TRAF3: variants seen among roughly 807,000 people sequenced by gnomAD.
TRAF3 encodes TNF receptor associated factor 3.
Under a neutral mutation model 62.3 loss-of-function variants are expected in TRAF3, and 13 were observed. The observed-to-expected ratio is 0.21, with a 90% CI of 0.14 to 0.33. The LOEUF is 0.33. Ranked by LOEUF, TRAF3 falls within the 10% of genes least tolerant of loss-of-function variation. The pLI is 1.00. For missense variants in TRAF3, 440 were observed against 741.8 expected, an observed-to-expected ratio of 0.59 and a Z score of 4.73; for synonymous variants, 269 against 283.4, an observed-to-expected ratio of 0.95 and a Z score of 0.51.
At chr14:102,822,104 A>C (rs577392793) in intron 1 of TRAF3, among the ~76,000 whole-genome samples, 1 of 152,326 alleles carries the variant, frequency 6.6e-6, no homozygotes, top group South Asian at 2.1e-4. Flanking sequence ...TAATAGAAAA[A>C]TTTTATGTGT....
rs767401587 is a variant in TRAF3, at chr14:102,795,619, T to TGTGTGTGTGTGC, written c.-157+17945_-157+17946insTGTGTGTGTGCG. ...ATATATGTGTGTGTGTGTGTGTGTG[T>TGTGTGTGTGTGC]GCATAGTTTTCATCCATTGTTTCTG... On this transcript the variant is annotated intron_variant, in intron 1 of 11. Coordinates refer to ENST00000392745, the MANE Select transcript of TRAF3 (RefSeq NM_145725.3). Among the ~76,000 whole-genome samples, 74 of 151,962 alleles carry TGTGTGTGTGTGC rather than the reference T, an allele frequency of 4.9e-4. No homozygotes were observed. The East Asian group carries it at 6.0e-3, about 12-fold the overall frequency.
intron 1 of TRAF3, chr14:102,809,149 G>C (rs953061503): frequency 6.6e-6 from 1 of 152,210 alleles, no homozygotes; most frequent in Non-Finnish European, 1.5e-5. Context: ...ACTACACGCG[G>C]CTAATTTTTT....
chr14:102,862,621 C>T (rs570067038), intron 2 of TRAF3, among the ~76,000 whole-genome samples: 35 of 151,996 alleles, frequency 2.3e-4, no homozygotes, highest in Non-Finnish European at 3.4e-4. Context: ...TGGAGTTTGT[C>T]GAGCTTCCTG....
Position 102,848,230 on chromosome 14 carries a change from G to A in TRAF3, c.-18+17758G>A, listed in dbSNP as rs147386704. 8.2e-4 allele frequency among the ~76,000 whole-genome samples: 125 copies of A among 152,204 alleles called. 2 individuals carry two copies. The East Asian group carries it at 0.02, about 25-fold the overall frequency. ...GAGGATCTCTTGAGCCCAAGAGTTCGATACCAGCCTGGGCAACACAGTGAA... is the reference window on the plus strand; with the variant it reads ...GAGGATCTCTTGAGCCCAAGAGTTCAATACCAGCCTGGGCAACACAGTGAA... On this transcript the variant is annotated intron_variant, in intron 2 of 11. Transcript: ENST00000392745.
rs1198269249 is a variant in TRAF3 at position 102,807,266 on chromosome 14, C to T, written c.-156-23068C>T. Among the ~76,000 whole-genome samples, 5 of 152,160 alleles carry T rather than the reference C, an allele frequency of 3.3e-5. No homozygotes were observed. The East Asian group carries it at 5.8e-4, about 18-fold the overall frequency. ...GTCTCCCTGCTGCCCCAGCTTCAGC[C>T]CCAGGAGCCTGCCTGCCCAGGAGGC... is the stretch of plus-strand genomic sequence containing the variant. On this transcript the variant is annotated intron_variant, in intron 1 of 11. Transcript: ENST00000392745.
chr14:102,778,288 G>A (rs1217329822), intron 1 of TRAF3, among the ~76,000 whole-genome samples: 1 of 151,832 alleles, frequency 6.6e-6, no homozygotes, highest in East Asian at 1.9e-4. Flanking sequence ...CGCGGGCTCT[G>A]CGTCTTCCCC....
intron 6 of TRAF3, among the ~76,000 whole-genome samples, chr14:102,878,602 T>TAACA (rs1888857864): frequency 6.6e-6 from 1 of 152,184 alleles, no homozygotes; most frequent in Non-Finnish European, 1.5e-5. Flanking sequence ...GAAAAAATAC[T>TAACA]AACAAATGTG....
chr14:102,793,103 ACC>A (rs1897892904), intron 1 of TRAF3, among the ~76,000 whole-genome samples: 9 of 151,272 alleles, frequency 5.9e-5, no homozygotes, highest in Admixed American at 4.6e-4. Flanking sequence ...GAGCCACTGC[ACC>A]CTGCCTGTAG....
At chr14:102,828,252 G>C (rs1900444629) in intron 1 of TRAF3, among the ~76,000 whole-genome samples, 1 of 152,230 alleles carries the variant, frequency 6.6e-6, no homozygotes, top group African/African-American at 2.4e-5. Context: ...TTGCTTCTGA[G>C]GTTGGTAGCT....
At chr14:102,886,380 T>C (rs1889390943) in intron 7 of TRAF3, 111 bp downstream of exon 7, 5 of 938,226 alleles carry the variant, frequency 5.3e-6, no homozygotes, top group African/African-American at 1.6e-5. Flanking sequence ...GTGAGAGTCA[T>C]GTGTATGGCA....
At chr14:102,810,995 A>G (rs1899094117) in intron 1 of TRAF3, among the ~76,000 whole-genome samples, 1 of 152,190 alleles carries the variant, frequency 6.6e-6, no homozygotes, top group Non-Finnish European at 1.5e-5. Context: ...TTAACTTTGT[A>G]TGTATACCCA....
At chr14:102,798,800 T>C (rs1394743748) in intron 1 of TRAF3, among the ~76,000 whole-genome samples, 1 of 152,164 alleles carries the variant, frequency 6.6e-6, no homozygotes, top group Non-Finnish European at 1.5e-5. Context: ...AAGCACTTCA[T>C]GGGTGCCAGT....
chr14:102,816,408 A>G (rs1899524541), intron 1 of TRAF3, among the ~76,000 whole-genome samples: 1 of 152,228 alleles, frequency 6.6e-6, no homozygotes, highest in South Asian at 2.1e-4. Context: ...CCGATTGTAC[A>G]GGCCACAGGC....
intron 2 of TRAF3, among the ~76,000 whole-genome samples, chr14:102,866,851 ACACACAC>A (rs1566783747): frequency 6.7e-5 from 1 of 14,890 alleles, no homozygotes; most frequent in African/African-American, 1.3e-4. Flanking sequence ...TCTCTTGAAA[ACACACAC>A]ACACACACAC....
Position 102,788,927 on chromosome 14 carries a change from C to T in TRAF3, c.-157+11252C>T, listed in dbSNP as rs147064738. Among the ~76,000 whole-genome samples, 498 of 152,324 alleles carry T rather than the reference C, an allele frequency of 3.3e-3. 6 individuals carry two copies. The highest frequency in any genetic ancestry group is 0.011 in the African/African-American group (473 of 41,576). On this transcript the variant is annotated intron_variant, in intron 1 of 11. Transcript: ENST00000392745. The stretch of plus-strand genomic sequence containing the variant: ...TCGAGGCTGCAGTGACCTATGATCA[C>T]ACCACTGCACTCCAGCCTGAAGGAC...
At chr14:102,891,238 GT>G (rs1595400808) in intron 8 of TRAF3, 86 bp from the exon 9 acceptor site, 1 of 1,248,710 alleles carries the variant, frequency 8.0e-7, no homozygotes, top group East Asian at 2.5e-5. Flanking sequence ...TTTGTGTTTA[GT>G]GCTGCTTTTA....
chr14:102,796,696 G>A (rs943929973), intron 1 of TRAF3, among the ~76,000 whole-genome samples: 1 of 152,202 alleles, frequency 6.6e-6, no homozygotes. Flanking sequence ...ATGACTGGCT[G>A]CTGCATGGAA....
intron 1 of TRAF3, among the ~76,000 whole-genome samples, chr14:102,808,357 AC>A (rs1301870619): frequency 6.6e-6 from 1 of 152,088 alleles, no homozygotes; most frequent in Non-Finnish European, 1.5e-5. Flanking sequence ...TACTACAAAT[AC>A]AAAAATTAGC....
intron 1 of TRAF3, among the ~76,000 whole-genome samples, chr14:102,815,497 G>T (rs1243220645): frequency 6.6e-6 from 1 of 152,172 alleles, no homozygotes; most frequent in Non-Finnish European, 1.5e-5. Context: ...TTCCCAGGTA[G>T]TTAGGACTAC....
Sources: gnomAD v4.1 joint callset for allele counts (sites outside exome capture counted in the v4.1 genomes callset) on GRCh38, gnomAD v4.1.1 for gene constraint, MANE v1.5 for transcripts, NCBI Gene and HGNC (gene_info 2026-07-23, HGNC 2026-07-21) for gene names.